The following CSTPP1 variants were observed in gnomAD, a reference collection of about 807,000 sequenced individuals.
CSTPP1 encodes the protein UPF0705 protein C11orf49.
the CSTPP1 span, among the ~76,000 whole-genome samples, chr11:47,065,570 G>A: frequency 1.3e-5 from 2 of 151,950 alleles, no homozygotes; most frequent in Non-Finnish European, 2.9e-5. Flanking sequence ...GAGCTACCAC[G>A]CCCAGCCTCT....
At chr11:47,008,456 T>TCTCACAACAA in the CSTPP1 span, among the ~76,000 whole-genome samples, 1 of 152,336 alleles carries the variant, frequency 6.6e-6, no homozygotes, top group Non-Finnish European at 1.5e-5. Context: ...TTGTGAGATA[T>TCTCACAACAA]CTGGTATGAC....
the CSTPP1 span, among the ~76,000 whole-genome samples, chr11:46,966,625 A>C: frequency 2.0e-5 from 3 of 152,148 alleles, no homozygotes; most frequent in South Asian, 2.1e-4. Context: ...TAAAAAAAAA[A>C]CAGCTAGTTG....
the CSTPP1 span, among the ~76,000 whole-genome samples, chr11:47,037,371 GCAA>G: frequency 1.8e-5 from 2 of 109,180 alleles, 1 homozygote. Context: ...GTTGGTTCTG[GCAA>G]CAATTATTAT....
At chr11:47,150,698 A>T in the CSTPP1 span, among the ~76,000 whole-genome samples, 1 of 152,010 alleles carries the variant, frequency 6.6e-6, no homozygotes, top group African/African-American at 2.4e-5. Flanking sequence ...GACAGGGAGC[A>T]TTATGGCTAG....
At chr11:47,155,331 C>A in the CSTPP1 span, 1 of 1,336,224 alleles carries the variant, frequency 7.5e-7, no homozygotes, top group Non-Finnish European at 1.1e-6. Context: ...GCTGCCCTGC[C>A]CATCTGTGTG....
chr11:47,135,500 C>G, the CSTPP1 span, among the ~76,000 whole-genome samples: 2 of 152,188 alleles, frequency 1.3e-5, no homozygotes, highest in African/African-American at 2.4e-5. Flanking sequence ...TTATAGTTCT[C>G]TCAATACCCA....
chr11:47,044,997 A>G, the CSTPP1 span, among the ~76,000 whole-genome samples: 1 of 152,194 alleles, frequency 6.6e-6, no homozygotes, highest in Admixed American at 6.5e-5. Context: ...ATAAAAATAA[A>G]CCTACATGGT....
At chr11:47,078,608 T>G in the CSTPP1 span, among the ~76,000 whole-genome samples, 3 of 151,918 alleles carry the variant, frequency 2.0e-5, no homozygotes. Flanking sequence ...ATGGAAAGAT[T>G]AATTGTAGGA....
the CSTPP1 span, among the ~76,000 whole-genome samples, chr11:46,938,028 C>T: frequency 6.6e-6 from 1 of 151,968 alleles, no homozygotes; most frequent in Non-Finnish European, 1.5e-5. Flanking sequence ...GCATGCGCCA[C>T]CACGCCAGGT....
At chr11:47,044,189 A>G in the CSTPP1 span, among the ~76,000 whole-genome samples, 1 of 152,014 alleles carries the variant, frequency 6.6e-6, no homozygotes, top group African/African-American at 2.4e-5. Flanking sequence ...GGGTTTCACC[A>G]TATTGGCCAG....
At chr11:46,955,339 G>A in the CSTPP1 span, among the ~76,000 whole-genome samples, 3 of 151,204 alleles carry the variant, frequency 2.0e-5, no homozygotes, top group South Asian at 2.1e-4. Context: ...CCAAAATACA[G>A]TAGTGTGGTT....
the CSTPP1 span, among the ~76,000 whole-genome samples, chr11:47,122,085 A>ATATATATATATATATATATAT: frequency 1.2e-5 from 1 of 82,304 alleles, no homozygotes; most frequent in Non-Finnish European, 2.7e-5. Flanking sequence ...AAAAAAAAAA[A>ATATATATATATATATATATAT]AAAAAAATAT....
chr11:47,157,908 TCAA>T, the CSTPP1 span: 1 of 1,613,708 alleles, frequency 6.2e-7, no homozygotes, highest in Non-Finnish European at 8.5e-7. Context: ...CACCGTGGAA[TCAA>T]CCAAGCCCTC....
the CSTPP1 span, chr11:47,156,913 AG>A: frequency 8.9e-7 from 1 of 1,123,260 alleles, no homozygotes; most frequent in Non-Finnish European, 1.3e-6. Context: ...CTGAGCACTG[AG>A]GCTGGTGTGG....
chr11:47,014,637 A>G, the CSTPP1 span, among the ~76,000 whole-genome samples: 2 of 151,718 alleles, frequency 1.3e-5, no homozygotes, highest in African/African-American at 2.4e-5. Context: ...CCCGGGAGGC[A>G]GAGGTTGTGG....
At chr11:47,010,252 G>C in the CSTPP1 span, among the ~76,000 whole-genome samples, 1 of 152,188 alleles carries the variant, frequency 6.6e-6, no homozygotes, top group Non-Finnish European at 1.5e-5. Context: ...GCAAAAAGAG[G>C]AAAGTGGATG....
chr11:47,153,945 TTTTG>T, the CSTPP1 span, among the ~76,000 whole-genome samples: 1 of 151,936 alleles, frequency 6.6e-6, no homozygotes, highest in Non-Finnish European at 1.5e-5. Flanking sequence ...AGAAAACTTT[TTTTG>T]TTTTTTTTTT....
At chr11:47,043,625 T>G in the CSTPP1 span, among the ~76,000 whole-genome samples, 1 of 152,156 alleles carries the variant, frequency 6.6e-6, no homozygotes, top group Non-Finnish European at 1.5e-5. Context: ...ACACTGATGT[T>G]GAGAAAGATA....
At chr11:46,978,993 G>A in the CSTPP1 span, among the ~76,000 whole-genome samples, 1 of 152,170 alleles carries the variant, frequency 6.6e-6, no homozygotes, top group African/African-American at 2.4e-5. Context: ...TTAAGCTGTT[G>A]TATTAGTATC....
Sources: gnomAD v4.1 joint callset for allele counts (sites outside exome capture counted in the v4.1 genomes callset) on GRCh38, gnomAD v4.1.1 for gene constraint, MANE v1.5 for transcripts, NCBI Gene and HGNC (gene_info 2026-07-23, HGNC 2026-07-21) for gene names.